Variants in NVL observed in about 807,000 individuals in gnomAD.
NVL encodes nuclear VCP like.
NVL carries 84 observed loss-of-function variants against 110.2 expected under a neutral mutation model. That is an observed-to-expected ratio of 0.76 (90% CI 0.64 to 0.91). The LOEUF (loss-of-function observed/expected upper bound fraction) is 0.91, where lower values mean the gene tolerates loss of function less well. Ranked by LOEUF, NVL falls within the 40% of genes least tolerant of loss-of-function variation. The probability of loss-of-function intolerance (pLI) is 0.00; values close to 1 mark genes in which losing one functional copy is unlikely to be tolerated. For missense variants in NVL, 882 were observed against 1,035.9 expected (o/e 0.85, Z 2.04); for synonymous variants, 354 against 361.1 (o/e 0.98, Z 0.22).
rs551110352 is a variant in NVL, at chr1:224,299,613, G to A, written c.1062+949C>T. 6.6e-5 allele frequency among the ~76,000 whole-genome samples: 10 copies of A among 152,226 alleles called. 1 individual carries two copies. The highest frequency in any genetic ancestry group is 2.0e-4 in the Admixed American group (3 of 15,282). Reference sequence around the variant, plus strand: ...TCCTTATTCATCGTGTTTACCATACGCACAAAATTTACTACTTGTCTCTGG... The same window carrying A: ...TCCTTATTCATCGTGTTTACCATACACACAAAATTTACTACTTGTCTCTGG... On this transcript the variant is annotated intron_variant, in intron 10 of 22. Transcript: ENST00000281701.
chr1:224,243,408 C>T (rs1378071429), intron 19 of NVL, among the ~76,000 whole-genome samples: 1 of 151,920 alleles, frequency 6.6e-6, no homozygotes, highest in Non-Finnish European at 1.5e-5. Flanking sequence ...CTGCAGCGAG[C>T]CAAGACCGCA....
intron 18 of NVL, among the ~76,000 whole-genome samples, chr1:224,264,600 C>T (rs547619604): frequency 4.7e-4 from 72 of 152,162 alleles, no homozygotes; most frequent in African/African-American, 1.7e-3. Flanking sequence ...CAACGGCTAA[C>T]CAGAACATCA....
intron 9 of NVL, among the ~76,000 whole-genome samples, chr1:224,301,944 ACTT>A (rs1272779646): frequency 6.6e-6 from 1 of 151,924 alleles, no homozygotes; most frequent in Non-Finnish European, 1.5e-5. Context: ...ACCATTTTGC[ACTT>A]CTTCTTGTCT....
chr1:224,305,454 A>G, intron 6 of NVL: 1 of 249,046 alleles, frequency 4.0e-6, no homozygotes, highest in Non-Finnish European at 7.5e-6. Flanking sequence ...CAAGGATGAC[A>G]TGGAAATTTG....
intron 19 of NVL, among the ~76,000 whole-genome samples, chr1:224,245,023 A>G (rs1002687122): frequency 6.6e-6 from 1 of 152,132 alleles, no homozygotes; most frequent in Non-Finnish European, 1.5e-5. Context: ...ATCCCAAAAG[A>G]TATGAAGAAG....
intron 18 of NVL, among the ~76,000 whole-genome samples, chr1:224,257,829 T>C (rs1380583780): frequency 6.6e-6 from 1 of 152,150 alleles, no homozygotes; most frequent in Non-Finnish European, 1.5e-5. Flanking sequence ...CATGAGTCAC[T>C]GCACTGGGCC....
At chr1:224,288,823 A>G (rs1204365982) in intron 13 of NVL, among the ~76,000 whole-genome samples, 2 of 152,216 alleles carry the variant, frequency 1.3e-5, no homozygotes, top group Non-Finnish European at 2.9e-5. Context: ...ATAAAATGCT[A>G]TATGAAATGA....
chr1:224,246,859 A>G (rs969507623), intron 19 of NVL, among the ~76,000 whole-genome samples: 3 of 151,902 alleles, frequency 2.0e-5, no homozygotes, highest in African/African-American at 7.3e-5. Context: ...AACATGGTAA[A>G]ACCCCGTCTC....
intron 16 of NVL, among the ~76,000 whole-genome samples, chr1:224,277,284 C>CACAGTGTGCAAATATAATAA: frequency 6.6e-6 from 1 of 152,278 alleles, no homozygotes; most frequent in African/African-American, 2.4e-5. Flanking sequence ...AAATATAGCA[C>CACAGTGTGCAAATATAATAA]ACAGTGTGCA....
chr1:224,282,900 T>C (rs954514687), intron 15 of NVL, among the ~76,000 whole-genome samples: 6 of 152,218 alleles, frequency 3.9e-5, no homozygotes, highest in African/African-American at 1.4e-4. Flanking sequence ...ATCAGCCAAA[T>C]ACCTAATTTT....
rs1315977570 is a variant in NVL at position 224,287,756 on chromosome 1, T to G, written c.1794+19A>C. 1 of 1,597,142 alleles carries G rather than the reference T, an allele frequency of 6.3e-7. No homozygotes were observed. The highest frequency in any genetic ancestry group is 1.7e-5 in the Admixed American group (1 of 59,948). ...TAATCCATGACATGCCAATAATATT[T>G]GGCAGCTGATATACCTACCAATATT... On this transcript the variant is annotated intron_variant, in intron 14 of 22. Coordinates refer to ENST00000281701, the MANE Select transcript of NVL (RefSeq NM_002533.4).
chr1:224,327,658 A>G (rs1218332394), intron 1 of NVL, among the ~76,000 whole-genome samples: 2 of 151,880 alleles, frequency 1.3e-5, no homozygotes, highest in African/African-American at 4.8e-5. Flanking sequence ...TTTGGTCTTA[A>G]GCATTTAGAA....
chr1:224,266,166 T>C (rs1270552283), intron 18 of NVL, among the ~76,000 whole-genome samples: 1 of 152,168 alleles, frequency 6.6e-6, no homozygotes, highest in East Asian at 1.9e-4. Context: ...AAAAACTGGA[T>C]CAATGTATTT....
chr1:224,229,347 T>C (rs1659606283), intron 22 of NVL, among the ~76,000 whole-genome samples: 1 of 152,108 alleles, frequency 6.6e-6, no homozygotes, highest in Non-Finnish European at 1.5e-5. Flanking sequence ...AGCTGTTTCA[T>C]ATCCTTGCCA....
At position 224,289,486 on chromosome 1, in the gene NVL, G is replaced by A; in HGVS notation, c.1573C>T (p.Gln525Ter). Residue 525 changes from glutamine to a stop codon, truncating the protein, a stop_gained and splice_region_variant, in exon 13 of 23, where the codon CAG (glutamine) becomes TAG (stop). Transcript: ENST00000281701. LOFTEE classifies it high-confidence loss of function. ...RLGTEPTSETQDELQRLLGLL... is the reference protein window; with the variant it reads ...RLGTEPTSET Reference sequence around the variant, plus strand: ...TAAGGTGCCTTTAGAGAAAGCACCTGTGTTTCAGAAGTGGGCTCAGTTCCC... The same window carrying A: ...TAAGGTGCCTTTAGAGAAAGCACCTATGTTTCAGAAGTGGGCTCAGTTCCC... 1 of 1,614,006 alleles carries A rather than the reference G, an allele frequency of 6.2e-7. No individual in the cohort carries two copies. The highest frequency in any genetic ancestry group is 1.1e-5 in the South Asian group (1 of 91,050).
At chr1:224,288,047 G>T in intron 13 of NVL, 54 bp from the exon 14 acceptor site, 1 of 1,314,254 alleles carries the variant, frequency 7.6e-7, no homozygotes, top group Non-Finnish European at 1.1e-6. Flanking sequence ...AACAGCTATT[G>T]AAAAGTTACA....
chr1:224,257,121 G>A, intron 18 of NVL: 2 of 521,872 alleles, frequency 3.8e-6, no homozygotes, highest in South Asian at 1.5e-5. Context: ...AGAATTCTTA[G>A]GTAGAAGACA....
At chr1:224,301,291 G>A (rs1668382381) in intron 9 of NVL, among the ~76,000 whole-genome samples, 1 of 151,980 alleles carries the variant, frequency 6.6e-6, no homozygotes. Context: ...TTTTTGGAGA[G>A]ACTGTGTCTC....
At chr1:224,285,936 A>G in intron 15 of NVL, 90 bp downstream of exon 15, 1 of 948,012 alleles carries the variant, frequency 1.1e-6, no homozygotes, top group South Asian at 1.5e-5. Flanking sequence ...TATGCATAAG[A>G]CTTACCTCAC....
Sources: gnomAD v4.1 joint callset for allele counts (sites outside exome capture counted in the v4.1 genomes callset) on GRCh38, gnomAD v4.1.1 for gene constraint, MANE v1.5 for transcripts, NCBI Gene and HGNC (gene_info 2026-07-23, HGNC 2026-07-21) for gene names.